TRPC5: variants seen among roughly 807,000 people sequenced by gnomAD.
The protein encoded by TRPC5 is short transient receptor potential channel 5.
TRPC5 carries 9 observed loss-of-function variants against 56.5 expected under a neutral mutation model. The ratio of observed to expected loss-of-function variants is 0.16; its 90% CI spans 0.10 to 0.28. The LOEUF (loss-of-function observed/expected upper bound fraction) is 0.28. Ranked by LOEUF, TRPC5 falls within the 10% of genes least tolerant of loss-of-function variation. The pLI, the probability that TRPC5 is intolerant of heterozygous loss-of-function variation, is 1.00. For synonymous variants in TRPC5, 282 were observed against 278.5 expected, an observed-to-expected ratio of 1.01 and a Z score of -0.13; for missense variants, 469 against 748.9, an observed-to-expected ratio of 0.63 and a Z score of 4.36.
intron 1 of TRPC5, among the ~76,000 whole-genome samples, chrX:112,001,552 G>A (rs1928695436): frequency 8.9e-6 from 1 of 111,996 alleles, no homozygotes; most frequent in South Asian, 3.7e-4. Flanking sequence ...TTGAGGCTAG[G>A]AGTTCGAGAC....
intron 6 of TRPC5, among the ~76,000 whole-genome samples, chrX:111,842,862 C>A (rs758303963): frequency 7.3e-4 from 81 of 110,904 alleles, no homozygotes; most frequent in Non-Finnish European, 1.3e-3. Context: ...TGGCCAGATA[C>A]TCCAGTCATC....
At position 111,770,887 on chromosome X, in the gene TRPC5, G is replaced by A. The variant is rs1407187455; in HGVS notation, c.*5426C>T. ...CTGGCTACCTTAGGCTTAAATAAAA[G>A]GCACACTGCCACATATTCATTCAAG... On this transcript the variant is annotated 3_prime_UTR_variant, in exon 11 of 11. Transcript: ENST00000262839. 8.9e-6 allele frequency among the ~76,000 whole-genome samples: 1 copy of A among 112,082 alleles called. No individual in the cohort carries two copies. Among genetic ancestry groups the A allele is most frequent in the Non-Finnish European group, 1.9e-5 (1 of 53,255 alleles).
intron 7 of TRPC5, among the ~76,000 whole-genome samples, chrX:111,784,759 G>C (rs1171914467): frequency 8.8e-6 from 1 of 113,012 alleles, no homozygotes; most frequent in Non-Finnish European, 1.9e-5. Flanking sequence ...TGGCAGAGAA[G>C]AAGGTTCTCT....
chrX:111,879,316 A>G (rs1924096169), intron 3 of TRPC5, among the ~76,000 whole-genome samples: 1 of 112,089 alleles, frequency 8.9e-6, no homozygotes, highest in African/African-American at 3.2e-5. Flanking sequence ...TGAACTTGAA[A>G]TGTCTTCCTG....
At chrX:111,811,768 G>T (rs1921717837) in intron 7 of TRPC5, among the ~76,000 whole-genome samples, 2 of 110,970 alleles carry the variant, frequency 1.8e-5, no homozygotes, top group South Asian at 7.7e-4. Context: ...AAATTCCTAG[G>T]CTACTCCCTG....
At chrX:111,974,419 C>T (rs1028219639) in intron 1 of TRPC5, among the ~76,000 whole-genome samples, 1 of 110,960 alleles carries the variant, frequency 9.0e-6, no homozygotes, top group African/African-American at 3.3e-5. Context: ...TAATCTGTTC[C>T]CCCATAAAAG....
At chrX:111,866,886 T>G (rs188985091) in intron 3 of TRPC5, among the ~76,000 whole-genome samples, 1 of 112,186 alleles carries the variant, frequency 8.9e-6, no homozygotes, top group Non-Finnish European at 1.9e-5. Context: ...TTTGACTTGC[T>G]TACTGCAAGG....
chrX:111,890,466 A>G (rs924562645), intron 3 of TRPC5, among the ~76,000 whole-genome samples: 1 of 112,043 alleles, frequency 8.9e-6, no homozygotes, highest in African/African-American at 3.2e-5. Flanking sequence ...GGATGTGCAT[A>G]GGTTATATGC....
chrX:111,972,815 A>G (rs768597372), intron 1 of TRPC5, among the ~76,000 whole-genome samples: 9 of 112,378 alleles, frequency 8.0e-5, no homozygotes, highest in Non-Finnish European at 1.5e-4. Flanking sequence ...TTAGAAAATT[A>G]TTCTTCCTCA....
chrX:111,967,318 G>A (rs1201007969), intron 1 of TRPC5, among the ~76,000 whole-genome samples: 2 of 110,089 alleles, frequency 1.8e-5, no homozygotes, highest in African/African-American at 6.6e-5. Flanking sequence ...CACTGCTCAA[G>A]GAAATAAAAG....
chrX:111,819,454 G>A lies in TRPC5; in HGVS notation c.1896+15467C>T, dbSNP rs760074050. 1.2e-3 allele frequency among the ~76,000 whole-genome samples: 133 copies of A among 111,431 alleles called. 1 individual carries two copies. The highest frequency in any genetic ancestry group is 1.8e-3 in the Non-Finnish European group (96 of 53,135). ...TAAATCCTTGAGTCAAGGAGGCACA[G>A]ATCATTCTTTTGGCCTGTGTCTTTC... On this transcript the variant is annotated intron_variant, in intron 7 of 10. Coordinates refer to ENST00000262839, the MANE Select transcript of TRPC5 (RefSeq NM_012471.3).
intron 3 of TRPC5, among the ~76,000 whole-genome samples, chrX:111,898,933 G>A (rs776647335): frequency 3.6e-5 from 4 of 110,414 alleles, no homozygotes; most frequent in South Asian, 7.9e-4. Context: ...GTCCCTTAAA[G>A]TGAGTTAAGG....
At chrX:111,829,161 G>T (rs974814023) in intron 7 of TRPC5, among the ~76,000 whole-genome samples, 4 of 108,902 alleles carry the variant, frequency 3.7e-5, no homozygotes, top group Non-Finnish European at 7.6e-5. Context: ...AATTAGCCAG[G>T]TGTGGTGGCA....
At chrX:111,957,515 A>G (rs940537560) in intron 1 of TRPC5, among the ~76,000 whole-genome samples, 12 of 112,000 alleles carry the variant, frequency 1.1e-4, no homozygotes, top group African/African-American at 3.9e-4. Context: ...ACAGATAAGG[A>G]ACCTGAAGCA....
intron 1 of TRPC5, among the ~76,000 whole-genome samples, chrX:111,990,912 G>T (rs1928336624): frequency 8.9e-6 from 1 of 112,414 alleles, no homozygotes; most frequent in Non-Finnish European, 1.9e-5. Context: ...TATGCTAACT[G>T]CTGCTGCTAG....
intron 1 of TRPC5, among the ~76,000 whole-genome samples, chrX:112,058,904 G>A (rs1930399585): frequency 9.0e-6 from 1 of 111,306 alleles, no homozygotes; most frequent in Non-Finnish European, 1.9e-5. Flanking sequence ...ACAGATGAAG[G>A]AACTAAGTAC....
chrX:111,845,453 G>A lies in TRPC5; in HGVS notation c.1700+1661C>T, dbSNP rs142008404. ...GTGCCCATTCTTTTCAATTGTCCCTGCTAGGCAAGTGATAGGAGCAAAATG... is the reference window on the plus strand; with the variant it reads ...GTGCCCATTCTTTTCAATTGTCCCTACTAGGCAAGTGATAGGAGCAAAATG... On this transcript the variant is annotated intron_variant, in intron 6 of 10. Coordinates refer to ENST00000262839, the MANE Select transcript of TRPC5 (RefSeq NM_012471.3). Among the ~76,000 whole-genome samples, 3 of 111,607 alleles carry A rather than the reference G, an allele frequency of 2.7e-5. No homozygotes were observed. The East Asian group carries it at 8.4e-4, about 31-fold the overall frequency.
intron 1 of TRPC5, among the ~76,000 whole-genome samples, chrX:111,977,288 CGATCA>C (rs1306152811): frequency 4.5e-5 from 5 of 110,794 alleles, no homozygotes; most frequent in Non-Finnish European, 9.5e-5. Context: ...GTAGACATAC[CGATCA>C]ATAGAATAGA....
At chrX:111,842,659 G>A (rs1197773721) in intron 6 of TRPC5, among the ~76,000 whole-genome samples, 1 of 112,193 alleles carries the variant, frequency 8.9e-6, no homozygotes, top group Non-Finnish European at 1.9e-5. Flanking sequence ...TAAACTGGAT[G>A]ACAGGATAAA....
Sources: gnomAD v4.1 joint callset for allele counts (sites outside exome capture counted in the v4.1 genomes callset) on GRCh38, gnomAD v4.1.1 for gene constraint, MANE v1.5 for transcripts, NCBI Gene and HGNC (gene_info 2026-07-23, HGNC 2026-07-21) for gene names.